DOCK11: variants seen among roughly 807,000 people sequenced by gnomAD.
DOCK11 encodes the protein dedicator of cytokinesis 11, also known as dedicator of cytokinesis protein 11.
Under a neutral mutation model 169.1 loss-of-function variants are expected in DOCK11, and 70 were observed. That is an observed-to-expected ratio of 0.41 (90% CI 0.34 to 0.51). The LOEUF (loss-of-function observed/expected upper bound fraction) is 0.51, where lower values mean the gene tolerates loss of function less well. Among genes scored for constraint, DOCK11 ranks in the 20% least tolerant of loss-of-function variants. The pLI, the probability that DOCK11 is intolerant of heterozygous loss-of-function variation, is 0.10. For synonymous variants in DOCK11, 529 were observed against 541.3 expected, an observed-to-expected ratio of 0.98 and a Z score of 0.32; for missense variants, 1,166 against 1,538.8, an observed-to-expected ratio of 0.76 and a Z score of 4.05.
intron 7 of DOCK11, among the ~76,000 whole-genome samples, chrX:118,565,567 A>C (rs1229690767): frequency 8.9e-6 from 1 of 111,973 alleles, no homozygotes; most frequent in African/African-American, 3.2e-5. Flanking sequence ...GTGAGATATA[A>C]ATTTATCAGA....
chrX:118,618,748 C>T lies in DOCK11; in HGVS notation c.3471+20C>T, dbSNP rs2014886159. The T allele has an allele frequency of 8.8e-7, 1 of 1,134,448 alleles. No individual in the cohort carries two copies. The highest frequency in any genetic ancestry group is 2.4e-5 in the Admixed American group (1 of 41,597). The allele number at this position is 1,134,448 out of a possible 1,213,427, so 93.5% of individuals were successfully genotyped here. A position where few individuals can be genotyped will look rare whatever the true frequency, so the allele number is the denominator to read the frequency against. On this transcript the variant is annotated intron_variant, in intron 31 of 52. Transcript: ENST00000276202. Reference sequence around the variant, plus strand: ...CACAAGGTAAGGATATCCATGCAGTCATCAGTATCACACTGGTAGAGTTCT... The same window carrying T: ...CACAAGGTAAGGATATCCATGCAGTTATCAGTATCACACTGGTAGAGTTCT...
chrX:118,649,122 C>T lies in DOCK11; in HGVS notation c.4576C>T (p.Leu1526=). Reference sequence around the variant, plus strand: ...AAGGAAAACCTTTTTGAGGACACATCTACAGGTCAGTGAAAATAAAAGCGC... The same window carrying T: ...AAGGAAAACCTTTTTGAGGACACATTTACAGGTCAGTGAAAATAAAAGCGC... ...TKRKTFLRTH[L]QIIIAVSQLI... The change falls in exon 41 of 53, where the codon CTA becomes TTA. Residue 1526 remains leucine, a synonymous_variant. Coordinates refer to ENST00000276202, the MANE Select transcript of DOCK11 (RefSeq NM_144658.4). The T allele has an allele frequency of 8.5e-7, 1 of 1,172,336 alleles. No homozygotes were observed. The highest frequency in any genetic ancestry group is 1.1e-6 in the Non-Finnish European group (1 of 877,415).
chrX:118,588,241 T>C lies in DOCK11; in HGVS notation c.1900T>C (p.Tyr634His). The C allele has an allele frequency of 8.3e-7, 1 of 1,202,582 alleles. No homozygotes were observed. The highest frequency in any genetic ancestry group is 1.1e-6 in the Non-Finnish European group (1 of 890,244). Residue 634 changes from tyrosine to histidine, a missense_variant, in exon 17 of 53, where the codon TAT becomes CAT. Transcript: ENST00000276202. ...EFVPEMTKYC[Y>H]PFTIYKNHLY... ...TGTTCCAGAAATGACAAAATATTGTTATCCATTTACTATTTACAAAAACCA... is the reference window on the plus strand; with the variant it reads ...TGTTCCAGAAATGACAAAATATTGTCATCCATTTACTATTTACAAAAACCA...
intron 13 of DOCK11, among the ~76,000 whole-genome samples, chrX:118,579,466 G>C (rs1255534600): frequency 8.9e-6 from 1 of 112,186 alleles, no homozygotes; most frequent in African/African-American, 3.2e-5. Context: ...TACCCAAATA[G>C]TGTTTATTAA....
chrX:118,579,569 T>C (rs912904724), intron 13 of DOCK11, among the ~76,000 whole-genome samples: 5 of 112,144 alleles, frequency 4.5e-5, no homozygotes, highest in Non-Finnish European at 9.4e-5. Flanking sequence ...TCCCTAGGGA[T>C]AAGCATCCAG....
intron 24 of DOCK11, among the ~76,000 whole-genome samples, chrX:118,607,112 C>CTT (rs776058680): frequency 8.4e-4 from 53 of 62,967 alleles, no homozygotes; most frequent in Middle Eastern, 0.015. Context: ...TCCTTTCCTT[C>CTT]TTTTTTTTTT....
intron 32 of DOCK11, among the ~76,000 whole-genome samples, chrX:118,624,907 C>T (rs940768883): frequency 2.0e-4 from 22 of 108,687 alleles, no homozygotes; most frequent in African/African-American, 6.7e-4. Context: ...TACAGGCATA[C>T]GCCACCATGC....
intron 4 of DOCK11, among the ~76,000 whole-genome samples, chrX:118,544,799 T>TA (rs1446620763): frequency 2.8e-5 from 3 of 105,691 alleles, no homozygotes; most frequent in African/African-American, 1.0e-4. Flanking sequence ...TAGCTGGGCT[T>TA]ACAGGCACCC....
chrX:118,623,226 A>C (rs772397866), intron 31 of DOCK11, among the ~76,000 whole-genome samples: 7 of 111,887 alleles, frequency 6.3e-5, no homozygotes, highest in African/African-American at 2.3e-4. Flanking sequence ...TCAAAAAAAA[A>C]AGAATGAGTT....
intron 1 of DOCK11, among the ~76,000 whole-genome samples, chrX:118,497,215 T>C (rs910824380): frequency 8.9e-5 from 10 of 112,366 alleles, no homozygotes; most frequent in African/African-American, 2.6e-4. Flanking sequence ...CTCTTTTTGT[T>C]AAAACAACTT....
intron 6 of DOCK11, among the ~76,000 whole-genome samples, chrX:118,548,219 T>G (rs1415967935): frequency 8.9e-6 from 1 of 112,636 alleles, no homozygotes; most frequent in Non-Finnish European, 1.9e-5. Flanking sequence ...ACCTTTCAAC[T>G]TTAATTTGCC....
At chrX:118,663,051 A>G (rs2016257013) in intron 45 of DOCK11, among the ~76,000 whole-genome samples, 1 of 112,122 alleles carries the variant, frequency 8.9e-6, no homozygotes. Context: ...GAGTCAACAC[A>G]TGTTGGAAAT....
chrX:118,553,326 T>C (rs1603056691), intron 6 of DOCK11, among the ~76,000 whole-genome samples: 1 of 112,188 alleles, frequency 8.9e-6, no homozygotes, highest in African/African-American at 3.2e-5. Flanking sequence ...AGAGATATAA[T>C]GATATATGGA....
chrX:118,679,201 T>G (rs1026812729), intron 48 of DOCK11, among the ~76,000 whole-genome samples: 27 of 111,758 alleles, frequency 2.4e-4, no homozygotes, highest in African/African-American at 8.5e-4. Context: ...GCCCTCAGAT[T>G]ACAGGCATGA....
intron 32 of DOCK11, among the ~76,000 whole-genome samples, chrX:118,625,425 G>C (rs935419739): frequency 9.0e-6 from 1 of 111,417 alleles, no homozygotes; most frequent in Non-Finnish European, 1.9e-5. Flanking sequence ...CAAAGTGCTA[G>C]GATTACAGGC....
intron 14 of DOCK11, among the ~76,000 whole-genome samples, chrX:118,583,705 G>C (rs1188651339): frequency 2.7e-5 from 3 of 111,295 alleles, no homozygotes; most frequent in African/African-American, 9.8e-5. Context: ...ATTGGTTCCA[G>C]GATCTCCCAC....
chrX:118,612,384 T>A (rs1260223866), intron 28 of DOCK11, among the ~76,000 whole-genome samples: 1 of 112,036 alleles, frequency 8.9e-6, no homozygotes, highest in Non-Finnish European at 1.9e-5. Flanking sequence ...CGAATTAGAT[T>A]ATCTGAAATG....
At chrX:118,645,176 T>C (rs2015624556) in intron 40 of DOCK11, among the ~76,000 whole-genome samples, 1 of 111,256 alleles carries the variant, frequency 9.0e-6, no homozygotes, top group South Asian at 3.7e-4. Flanking sequence ...TTTGGGACAT[T>C]AGGATATATG....
intron 39 of DOCK11, among the ~76,000 whole-genome samples, chrX:118,642,981 A>G (rs1001678677): frequency 8.9e-6 from 1 of 112,057 alleles, no homozygotes; most frequent in Non-Finnish European, 1.9e-5. Flanking sequence ...TAGAGGGCTT[A>G]TTTTTTCACA....
Sources: allele counts gnomAD v4.1 joint callset (sites outside exome capture counted in the v4.1 genomes callset), GRCh38; gene constraint gnomAD v4.1.1; transcripts MANE v1.5; gene names NCBI Gene and HGNC (gene_info 2026-07-23, HGNC 2026-07-21).